The following DNAH17 variants were observed in gnomAD, a reference collection of about 807,000 sequenced individuals.
The protein encoded by DNAH17 is dynein axonemal heavy chain 17.
Under a neutral mutation model 485.6 loss-of-function variants are expected in DNAH17, and 376 were observed. That is an observed-to-expected ratio of 0.77 (90% CI 0.71 to 0.84). DNAH17 has a LOEUF of 0.84. Among genes scored for constraint, DNAH17 ranks in the 40% least tolerant of loss-of-function variants. The pLI is 0.00. For missense variants in DNAH17, 6,370 were observed against 5,839.3 expected (o/e 1.09, Z -2.96); for synonymous variants, 3,031 against 2,405.9 (o/e 1.26, Z -7.60).
intron 74 of DNAH17, 61 bp downstream of exon 74, chr17:78,437,580 A>G (rs2086890477): frequency 1.4e-6 from 2 of 1,431,080 alleles, no homozygotes; most frequent in East Asian, 4.9e-5. Flanking sequence ...CGGGGCCCCA[A>G]GGGATGGATG....
Position 78,499,062 on chromosome 17 carries a change from G to A in DNAH17, c.5691C>T (p.Cys1897=), listed in dbSNP as rs763745068. The A allele has an allele frequency of 6.2e-7, 1 of 1,609,822 alleles. No individual in the cohort carries two copies. The highest frequency in any genetic ancestry group is 8.5e-7 in the Non-Finnish European group (1 of 1,178,066). ...KGLAQTGAWG[C]FDEFNRISVE... ...CTGAGATGCGATTAAACTCGTCAAA[G>A]CAGCCCCAGGCTCCCGTCTGGGCCA... is the stretch of plus-strand genomic sequence containing the variant. The change falls in exon 37 of 81, where the codon TGC becomes TGT. Residue 1897 remains cysteine, a synonymous_variant. Coordinates refer to ENST00000389840, the MANE Select transcript of DNAH17 (RefSeq NM_173628.4).
Position 78,507,786 on chromosome 17 carries a change from C to G in DNAH17, c.4256G>C (p.Ser1419Thr), listed in dbSNP as rs2090528734. 1.3e-6 allele frequency: 2 copies of G among 1,573,322 alleles called. No homozygotes were observed. Among genetic ancestry groups the G allele is most frequent in the Non-Finnish European group, 1.7e-6 (2 of 1,164,640 alleles). ...GMEKVLKALD[S>T]TWSMMEFQHE... ...CTGGAATTCCATCATGCTCCAGGTA[C>G]TGTCCAGGGCTTTCAGCACCTTTTG... Residue 1419 changes from serine to threonine, a missense_variant, in exon 28 of 81, where the codon AGT (serine) becomes ACT (threonine). By Grantham distance (58) the Ser-to-Thr change is moderately conservative (BLOSUM62 1). Coordinates refer to ENST00000389840, the MANE Select transcript of DNAH17 (RefSeq NM_173628.4).
intron 14 of DNAH17, among the ~76,000 whole-genome samples, chr17:78,556,518 A>T (rs1294987103): frequency 6.6e-6 from 1 of 152,208 alleles, no homozygotes. Flanking sequence ...CAGGAAATGA[A>T]CAGTGTCCAG....
chr17:78,520,865 A>G (rs993973335), intron 25 of DNAH17, among the ~76,000 whole-genome samples: 2 of 152,234 alleles, frequency 1.3e-5, no homozygotes, highest in African/African-American at 2.4e-5. Context: ...TTTTATAAGC[A>G]TAACAAGCTT....
chr17:78,445,498 A>T, intron 70 of DNAH17, 60 bp downstream of exon 70: 1 of 1,533,944 alleles, frequency 6.5e-7, no homozygotes. Context: ...CCGCAGCATC[A>T]GCTGGAGGGG....
intron 54 of DNAH17, among the ~76,000 whole-genome samples, chr17:78,472,026 C>A (rs2088775717): frequency 6.6e-6 from 1 of 152,186 alleles, no homozygotes; most frequent in Non-Finnish European, 1.5e-5. Flanking sequence ...CTGCCTGCGT[C>A]CCTATCATCA....
rs778243910 is a variant in DNAH17 at position 78,428,756 on chromosome 17, A to T, written c.12406-49T>A. 3.4e-5 allele frequency: 55 copies of T among 1,602,406 alleles called. No homozygotes were observed. The South Asian group carries it at 6.0e-4, about 17-fold the overall frequency. On this transcript the variant is annotated intron_variant, in intron 76 of 80. Coordinates refer to ENST00000389840, the MANE Select transcript of DNAH17 (RefSeq NM_173628.4). ...GCAGAGGCAAAGCTGTGCAGGCTGA[A>T]ACCCATGTCCTGTTGGTTAAGCATT...
chr17:78,555,468 G>T lies in DNAH17; in HGVS notation c.2178+2640C>A, dbSNP rs1361056260. On this transcript the variant is annotated intron_variant, in intron 14 of 80. Coordinates refer to ENST00000389840, the MANE Select transcript of DNAH17 (RefSeq NM_173628.4). ...TTCTAATGAATGGACCATGGACAAAGATATTACGGCCCCTGGTGATCAGAA... is the reference window on the plus strand; with the variant it reads ...TTCTAATGAATGGACCATGGACAAATATATTACGGCCCCTGGTGATCAGAA... 6.7e-5 allele frequency among the ~76,000 whole-genome samples: 9 copies of T among 133,608 alleles called. No homozygotes were observed. The Admixed American group carries it at 7.9e-4, about 12-fold the overall frequency. The allele number at this position is 133,608 out of a possible 152,430, so 87.7% of individuals were successfully genotyped here. A position where few individuals can be genotyped will look rare whatever the true frequency, so the allele number is the denominator to read the frequency against.
At position 78,490,741 on chromosome 17, in the gene DNAH17, G is replaced by C; in HGVS notation, c.6776C>G (p.Ala2259Gly). 6.2e-7 allele frequency: 1 copy of C among 1,607,346 alleles called. No individual in the cohort carries two copies. Among genetic ancestry groups the C allele is most frequent in the East Asian group, 2.2e-5 (1 of 44,606 alleles). ...GGCTGGGTTGATGTAGAGGATGCCG[G>C]CTCTGGAAACGGTGGCTGGGGTGGC... ...RTATPATVSR[A>G]GILYINPADL... is the part of the protein sequence containing the mutation. Residue 2259 changes from alanine (A) to glycine (G), a missense_variant, in exon 44 of 81, where the codon GCC becomes GGC. Transcript: ENST00000389840.
At position 78,449,527 on chromosome 17, in the gene DNAH17, T is replaced by G. The variant is rs757828923; in HGVS notation, c.11098A>C (p.Lys3700Gln). 2.5e-6 allele frequency: 4 copies of G among 1,600,708 alleles called. No homozygotes were observed. Among genetic ancestry groups the G allele is most frequent in the Non-Finnish European group, 2.6e-6 (3 of 1,173,772 alleles). ...TCCGTCAGGTTGATCACCCGCTGCT[T>G]CACCTCGTTGGCAGGGGTGGTCCTC... The part of the protein sequence containing the change: ...IQRTTPANEV[K>Q]QRVINLTDEI... The change falls in exon 69 of 81, where the codon AAG becomes CAG. Residue 3700 changes from lysine to glutamine, a missense_variant. Physicochemically the swap from Lys to Gln is moderately conservative, Grantham distance 53. Transcript: ENST00000389840.
At chr17:78,564,417 C>T (rs1478262068) in intron 11 of DNAH17, among the ~76,000 whole-genome samples, 1 of 152,138 alleles carries the variant, frequency 6.6e-6, no homozygotes, top group African/African-American at 2.4e-5. Flanking sequence ...ACAGCACCTC[C>T]CCGTGGAGCC....
chr17:78,459,015 T>G lies in DNAH17; in HGVS notation c.9847A>C (p.Lys3283Gln). 6.2e-7 allele frequency: 1 copy of G among 1,614,046 alleles called. No individual in the cohort carries two copies. The highest frequency in any genetic ancestry group is 8.5e-7 in the Non-Finnish European group (1 of 1,179,892). Residue 3283 changes from lysine (K) to glutamine (Q), a missense_variant, in exon 61 of 81, where the codon AAA (lysine) becomes CAA (glutamine). Physicochemically the swap from Lys to Gln is moderately conservative, Grantham distance 53. Coordinates refer to ENST00000389840, the MANE Select transcript of DNAH17 (RefSeq NM_173628.4). Reference sequence around the variant, plus strand: ...CCGGCACTTACGGCAATCTTGTTTTTGATCCGGGACAGCTTCTCTTGTGCC... The same window carrying G: ...CCGGCACTTACGGCAATCTTGTTTTGGATCCGGGACAGCTTCTCTTGTGCC... ...AEAQEKLSRI[K>Q]NKIAELNANL...
At position 78,479,542 on chromosome 17, in the gene DNAH17, G is replaced by A. The variant is rs371895584; in HGVS notation, c.7843C>T (p.Arg2615Cys). ...CTCTGGATAGCCATGGAGACCGAGCGGAAGGCCAGGTGCTGCGTCAGGATT... is the reference window on the plus strand; with the variant it reads ...CTCTGGATAGCCATGGAGACCGAGCAGAAGGCCAGGTGCTGCGTCAGGATT... ...NTILTQHLAF[R>C]SVSMAIQRIS... is the part of the protein sequence containing the mutation. Residue 2615 changes from arginine to cysteine, a missense_variant, in exon 50 of 81, where the codon CGC becomes TGC. Coordinates refer to ENST00000389840, the MANE Select transcript of DNAH17 (RefSeq NM_173628.4). The A allele has an allele frequency of 3.1e-5, 50 of 1,613,514 alleles. No individual in the cohort carries two copies. In the East Asian group the frequency reaches 3.6e-4, roughly 11 times the overall value.
intron 75 of DNAH17, among the ~76,000 whole-genome samples, chr17:78,432,219 T>TA (rs969326319): frequency 2.4e-4 from 34 of 140,622 alleles, no homozygotes; most frequent in South Asian, 1.4e-3. Context: ...AAATAAAAAT[T>TA]AAAAAAAAAA....
intron 26 of DNAH17, among the ~76,000 whole-genome samples, chr17:78,514,425 A>G (rs946529953): frequency 6.7e-6 from 1 of 148,974 alleles, no homozygotes. Context: ...GAACTGCTTG[A>G]ACCTGGGAGG....
Position 78,491,477 on chromosome 17 carries a change from A to T in DNAH17, c.6635T>A (p.Ile2212Asn), listed in dbSNP as rs898755925. ...ILDGDIDPMWIESLNTVMDDN... is the reference protein window; with the variant it reads ...ILDGDIDPMWNESLNTVMDDN... ...ATCCATGACTGTGTTGAGAGACTCGATCCACATGGGGTCTATGTCTCCGTC... is the reference window on the plus strand; with the variant it reads ...ATCCATGACTGTGTTGAGAGACTCGTTCCACATGGGGTCTATGTCTCCGTC... Residue 2212 changes from isoleucine to asparagine, a missense_variant, in exon 43 of 81, where the codon ATC becomes AAC. By Grantham distance (149) the Ile-to-Asn change is moderately radical. Transcript: ENST00000389840. 6.2e-7 allele frequency: 1 copy of T among 1,613,336 alleles called. No homozygotes were observed. The highest frequency in any genetic ancestry group is 8.5e-7 in the Non-Finnish European group (1 of 1,179,700).
intron 16 of DNAH17, among the ~76,000 whole-genome samples, chr17:78,544,847 A>G (rs1280955968): frequency 6.7e-6 from 1 of 148,570 alleles, no homozygotes; most frequent in South Asian, 2.1e-4. Flanking sequence ...GGCCACTTTT[A>G]ATTATGATTT....
chr17:78,528,134 G>A (rs901411712), intron 22 of DNAH17, among the ~76,000 whole-genome samples: 3 of 152,082 alleles, frequency 2.0e-5, no homozygotes, highest in African/African-American at 7.2e-5. Flanking sequence ...TGCCTGCAGT[G>A]GAGACTTCTC....
chr17:78,454,377 A>G (rs1348539738), intron 64 of DNAH17, 93 bp downstream of exon 64: 1 of 966,114 alleles, frequency 1.0e-6, no homozygotes, highest in African/African-American at 1.6e-5. Flanking sequence ...CTTGTATTGA[A>G]AGACCCACCC....
Sources: allele counts gnomAD v4.1 joint callset (sites outside exome capture counted in the v4.1 genomes callset), GRCh38; gene constraint gnomAD v4.1.1; transcripts MANE v1.5; gene names NCBI Gene and HGNC (gene_info 2026-07-23, HGNC 2026-07-21).